The following LZTS2 variants were observed in gnomAD, a reference collection of about 807,000 sequenced individuals.
LZTS2 encodes leucine zipper tumor suppressor 2, also known as leucine zipper putative tumor suppressor 2.
In LZTS2, 32 loss-of-function variants were observed where a neutral mutation model predicts 60.6. The ratio of observed to expected loss-of-function variants is 0.53; its 90% CI spans 0.40 to 0.71. The LOEUF is 0.71. Among genes scored for constraint, LZTS2 ranks in the 30% least tolerant of loss-of-function variants. The pLI is 0.00. For synonymous variants in LZTS2, 360 were observed against 393.1 expected (o/e 0.92, Z 1.00); for missense variants, 792 against 901.9 (o/e 0.88, Z 1.56).
Position 101,003,930 on chromosome 10 carries a change from TCCAGCAA to T in LZTS2, c.833_839del (p.Ser278Ter), listed in dbSNP as rs776886593. 3 of 1,611,668 alleles carry T rather than the reference TCCAGCAA, an allele frequency of 1.9e-6. No individual in the cohort carries two copies. The South Asian group carries it at 3.3e-5, about 18-fold the overall frequency. On this transcript the variant is annotated frameshift_variant, in exon 2 of 4. Coordinates refer to ENST00000370220, the Ensembl canonical transcript of LZTS2. LOFTEE classifies it high-confidence loss of function. The stretch of plus-strand genomic sequence containing the variant: ...CCACTCAGACAGTGGCCGGTCCTCC[TCCAGCAA>T]GAGCACAGGCTCCCTAGGGGGCCGT...
upstream of LZTS2, among the ~76,000 whole-genome samples, chr10:100,996,837 T>G (rs1851926325): frequency 6.6e-6 from 1 of 152,160 alleles, no homozygotes; most frequent in Admixed American, 6.5e-5. Context: ...TAGTTTAAGC[T>G]TAGTTTAAGG....
exon 4 of LZTS2, chr10:101,007,425 C>G (rs371834316): frequency 2.0e-4 from 285 of 1,446,356 alleles, no homozygotes; most frequent in Non-Finnish European, 2.5e-4. Context: ...CATTCCCCAC[C>G]GCTGCCAGTG....
exon 4 of LZTS2, chr10:101,006,634 G>A (rs754054069): frequency 9.4e-6 from 15 of 1,593,642 alleles, no homozygotes; most frequent in East Asian, 6.8e-5. Flanking sequence ...AGGGCCGTGC[G>A]CGGGGTCTAC....
upstream of LZTS2, chr10:100,998,334 G>A (rs1017648516): frequency 6.5e-6 from 1 of 153,130 alleles, no homozygotes; most frequent in African/African-American, 2.4e-5. Context: ...AGGAGGCAGG[G>A]ATCAGGGCAA....
intron 2 of LZTS2, among the ~76,000 whole-genome samples, chr10:101,004,788 G>A (rs566287392): frequency 6.6e-6 from 1 of 152,314 alleles, no homozygotes; most frequent in African/African-American, 2.4e-5. Context: ...AAGGCAAAAG[G>A]TGTAAAGTGA....
intron 2 of LZTS2, 118 bp downstream of exon 3, chr10:101,004,284 C>T: frequency 9.0e-7 from 1 of 1,105,792 alleles, no homozygotes. Context: ...GTTGTGACCC[C>T]CCTGCCCTCC....
rs1299621526 is a variant in LZTS2 at position 101,003,624 on chromosome 10, C to T, written c.526C>T (p.Gln176Ter). Residue 176 changes from glutamine to a stop codon, truncating the protein, a stop_gained, in exon 2 of 4, where the codon CAG becomes TAG. Transcript: ENST00000370220. LOFTEE classifies it high-confidence loss of function. ...TCGGGCCACCGGGCTGTCTGGGAGC[C>T]AGGGCAGCCTGACGCAGCTGTTTGG... 1 of 1,604,196 alleles carries T rather than the reference C, an allele frequency of 6.2e-7. No individual in the cohort carries two copies.
At chr10:101,006,783 T>TGCCACCTGC (rs1852219621) in exon 4 of LZTS2, 1 of 1,551,834 alleles carries the variant, frequency 6.4e-7, no homozygotes, top group African/African-American at 1.4e-5. Context: ...GAGCCCCCTG[T>TGCCACCTGC]GCCACCTGCC....
chr10:101,005,360 C>T lies in LZTS2; in HGVS notation c.1069-98C>T, dbSNP rs921908216. On this transcript the variant is annotated intron_variant, in intron 2 of 3. Coordinates refer to ENST00000370220, the Ensembl canonical transcript of LZTS2. ...ATTACTATTGTTGTTTAATGGAATC[C>T]ACCCTTCCTGAGCCCTCGGAAGTGG... 7 of 1,354,752 alleles carry T rather than the reference C, an allele frequency of 5.2e-6. No homozygotes were observed. In the African/African-American group the frequency reaches 1.0e-4, roughly 20 times the overall value. 83.9% of individuals were successfully genotyped at this position (1,354,752 alleles called of 1,614,324 possible).
chr10:100,997,539 C>G (rs1212496488), upstream of LZTS2, among the ~76,000 whole-genome samples: 3 of 152,192 alleles, frequency 2.0e-5, no homozygotes, highest in Non-Finnish European at 4.4e-5. Flanking sequence ...CCGCGCGGAC[C>G]CACAGCGGGC....
In LZTS2 at chr10:101,004,608, A is replaced by G. The variant is rs968668415; in HGVS notation, c.1068+442A>G. On this transcript the variant is annotated intron_variant, in intron 2 of 3. Coordinates refer to ENST00000370220, the Ensembl canonical transcript of LZTS2. ...ACAGAGCAAGACTCTATCTCAAAAC[A>G]AAAAACAAAACTTGTGGGGTGGAAA... Among the ~76,000 whole-genome samples, 9 of 152,332 alleles carry G rather than the reference A, an allele frequency of 5.9e-5. No individual in the cohort carries two copies. The East Asian group carries it at 1.7e-3, about 29-fold the overall frequency.
intron 1 of LZTS2, chr10:101,003,239 T>C (rs1852085723): frequency 1.9e-6 from 1 of 526,532 alleles, no homozygotes; most frequent in South Asian, 3.7e-5. Flanking sequence ...GCACCAGTTA[T>C]ACGTTTGACT....
chr10:101,007,657 G>A, exon 4 of LZTS2: 12 of 1,114,304 alleles, frequency 1.1e-5, no homozygotes, highest in Non-Finnish European at 1.3e-5. Context: ...GGAGTGAGGG[G>A]GCTGAAGTCA....
chr10:101,002,969 G>A, intron 1 of LZTS2, 23 bp downstream of exon 2: 3 of 1,592,124 alleles, frequency 1.9e-6, no homozygotes, highest in Non-Finnish European at 2.6e-6. Context: ...TCTTCCTTGT[G>A]GGCCTGGGTA....
chr10:101,006,687 C>G, exon 4 of LZTS2: 2 of 1,596,370 alleles, frequency 1.3e-6, no homozygotes, highest in South Asian at 1.1e-5. Flanking sequence ...GAAGCCTGTT[C>G]CCAGGAGCTG....
chr10:101,006,431 GT>G, intron 3 of LZTS2, 53 bp from the exon 5 acceptor site: 1 of 1,546,140 alleles, frequency 6.5e-7, no homozygotes, highest in South Asian at 1.2e-5. Context: ...TGCAGGGCCT[GT>G]CCCCCCAGGA....
exon 2 of LZTS2, chr10:101,003,611 G>A: frequency 6.3e-7 from 1 of 1,599,594 alleles, no homozygotes; most frequent in African/African-American, 1.3e-5. Context: ...GGGCCACCGG[G>A]CTGTCTGGGA....
At position 101,004,045 on chromosome 10, in the gene LZTS2, C is replaced by T. The variant is rs200934813; in HGVS notation, c.947C>T (p.Pro316Leu). The T allele has an allele frequency of 1.5e-5, 24 of 1,613,402 alleles. No individual in the cohort carries two copies. The highest frequency in any genetic ancestry group is 2.0e-5 in the Non-Finnish European group (24 of 1,179,988). Residue 316 changes from proline to leucine, a missense_variant, in exon 2 of 4, where the codon CCT becomes CTT. Physicochemically the swap from Pro to Leu is moderately conservative, Grantham distance 98. Coordinates refer to ENST00000370220, the Ensembl canonical transcript of LZTS2. ...GGGGAGCGCTCACCACCACCCCCGC[C>T]TCCACCTCCTTCGGATGAGGCCCTG...
exon 4 of LZTS2, chr10:101,007,236 C>G: frequency 1.4e-6 from 2 of 1,463,132 alleles, no homozygotes; most frequent in Non-Finnish European, 1.8e-6. Context: ...CACTTAGGCC[C>G]CAGGGTCCAC....
Sources: allele counts gnomAD v4.1 joint callset (sites outside exome capture counted in the v4.1 genomes callset), GRCh38; gene constraint gnomAD v4.1.1; transcripts MANE v1.5; gene names NCBI Gene and HGNC (gene_info 2026-07-23, HGNC 2026-07-21).